The following CABLES1 variants were observed in gnomAD, a reference collection of about 807,000 sequenced individuals.
CABLES1 encodes the protein CDK5 and ABL1 enzyme substrate 1.
A neutral mutation model predicts 57.8 loss-of-function variants in CABLES1; 36 were observed. The ratio of observed to expected loss-of-function variants is 0.62; its 90% CI spans 0.48 to 0.82. The LOEUF is 0.82. CABLES1 is among the 40% of genes least tolerant of loss of function. CABLES1 has a pLI of 0.00. For synonymous variants in CABLES1, 374 were observed against 363.0 expected, an observed-to-expected ratio of 1.03 and a Z score of -0.35; for missense variants, 767 against 836.6, an observed-to-expected ratio of 0.92 and a Z score of 1.03.
chr18:23,151,039 G>A (rs1187213940), intron 1 of CABLES1, among the ~76,000 whole-genome samples: 1 of 143,236 alleles, frequency 7.0e-6, no homozygotes, highest in South Asian at 2.2e-4. Flanking sequence ...TTTTTTGAGA[G>A]GCAGAGTCTC....
intron 3 of CABLES1, among the ~76,000 whole-genome samples, chr18:23,196,545 T>C (rs1251751762): frequency 1.3e-5 from 2 of 152,168 alleles, no homozygotes; most frequent in African/African-American, 4.8e-5. Flanking sequence ...TGAGAGGACA[T>C]GACCCAGCCT....
chr18:23,212,316 T>C (rs1031265570), intron 3 of CABLES1, among the ~76,000 whole-genome samples: 24 of 152,240 alleles, frequency 1.6e-4, no homozygotes, highest in African/African-American at 5.5e-4. Flanking sequence ...CATGTACTCT[T>C]ACAGCATTCC....
At chr18:23,229,151 G>T (rs567916299) in intron 4 of CABLES1, among the ~76,000 whole-genome samples, 1 of 152,144 alleles carries the variant, frequency 6.6e-6, no homozygotes, top group Non-Finnish European at 1.5e-5. Flanking sequence ...GGTGGCTCAC[G>T]GCTGCAACCC....
intron 1 of CABLES1, among the ~76,000 whole-genome samples, chr18:23,172,380 T>C (rs1035194006): frequency 1.3e-5 from 2 of 152,176 alleles, no homozygotes; most frequent in African/African-American, 2.4e-5. Context: ...AGAGGGGAAA[T>C]GGACACTTAC....
At chr18:23,219,743 C>T (rs2047472442) in intron 4 of CABLES1, among the ~76,000 whole-genome samples, 3 of 152,294 alleles carry the variant, frequency 2.0e-5, no homozygotes, top group Admixed American at 6.5e-5. Context: ...CCTGTGAGTG[C>T]AAAAGGTTGT....
intron 9 of CABLES1, 198 bp from the exon 10 acceptor site, chr18:23,257,029 G>C: frequency 3.4e-6 from 2 of 593,946 alleles, no homozygotes; most frequent in Non-Finnish European, 5.8e-6. Flanking sequence ...AGCCCCTCGG[G>C]AAAGGAGCAG....
rs1451435031 is a variant in CABLES1 at position 23,258,865 on chromosome 18, A to G, written c.*1498A>G. 1 of 152,190 alleles carries G rather than the reference A, an allele frequency of 6.6e-6. No individual in the cohort carries two copies. The highest frequency in any genetic ancestry group is 1.5e-5 in the Non-Finnish European group (1 of 68,050). The allele number at this position is 152,190 out of a possible 1,614,324, so 9.4% of individuals were successfully genotyped here. On this transcript the variant is annotated 3_prime_UTR_variant, in exon 10 of 10. Transcript: ENST00000256925. ...CAGTCTTGGAGGATGGAGAAATTCAAGCAGCAGCTGGTGAGGGCCAAAACA... is the reference window on the plus strand; with the variant it reads ...CAGTCTTGGAGGATGGAGAAATTCAGGCAGCAGCTGGTGAGGGCCAAAACA...
intron 7 of CABLES1, among the ~76,000 whole-genome samples, chr18:23,250,737 T>C (rs1390307633): frequency 6.6e-6 from 1 of 152,174 alleles, no homozygotes; most frequent in Non-Finnish European, 1.5e-5. Context: ...TCAGGAGACC[T>C]TCCTGATTGG....
chr18:23,195,469 T>C (rs777637478), intron 3 of CABLES1, among the ~76,000 whole-genome samples: 5 of 152,236 alleles, frequency 3.3e-5, no homozygotes, highest in Non-Finnish European at 7.3e-5. Context: ...TTAGACTCAT[T>C]AAGGCCCAGC....
At position 23,136,099 on chromosome 18, in the gene CABLES1, G is replaced by T; in HGVS notation, c.337G>T (p.Ala113Ser). The change falls in exon 1 of 10, where the codon GCT becomes TCT. Residue 113 changes from alanine to serine, a missense_variant. Transcript: ENST00000256925. ...GAGGACTCGGTTCAGCTTGCTCGCC[G>T]CTGCCGAGCGGGGCGGCTGCATCGC... ...GARTRFSLLA[A>S]AERGGCIALA... The T allele has an allele frequency of 1.7e-6, 2 of 1,180,602 alleles. No individual in the cohort carries two copies. Among genetic ancestry groups the T allele is most frequent in the Non-Finnish European group, 2.1e-6 (2 of 956,092 alleles). 73.1% of individuals were successfully genotyped at this position (1,180,602 alleles called of 1,614,324 possible).
intron 3 of CABLES1, among the ~76,000 whole-genome samples, chr18:23,206,971 C>T (rs934301804): frequency 1.3e-5 from 2 of 152,004 alleles, no homozygotes; most frequent in Non-Finnish European, 2.9e-5. Flanking sequence ...CTACCACACC[C>T]AGCTGATTTT....
At position 23,188,841 on chromosome 18, in the gene CABLES1, G is replaced by A. The variant is rs1301314071; in HGVS notation, c.849G>A (p.Arg283=). Residue 283 remains arginine, a synonymous_variant, in exon 2 of 10, where the codon CGG becomes CGA. Coordinates refer to ENST00000256925, the MANE Select transcript of CABLES1 (RefSeq NM_001100619.3). The part of the protein sequence containing the change: ...SAFEQLQRSR[R]RLISQRSSLE... ...GATTTTTTCCTTCTTTCTGCAGACG[G>A]CGCCTCATCTCCCAGAGATCTTCCT... The A allele has an allele frequency of 1.2e-6, 2 of 1,613,460 alleles. No individual in the cohort carries two copies. Among genetic ancestry groups the A allele is most frequent in the Non-Finnish European group, 8.5e-7 (1 of 1,179,518 alleles).
intron 3 of CABLES1, among the ~76,000 whole-genome samples, chr18:23,208,371 T>G (rs984309954): frequency 5.9e-5 from 9 of 152,064 alleles, no homozygotes; most frequent in African/African-American, 7.2e-5. Context: ...GAACATTTTG[T>G]TGGTGGTGGT....
At chr18:23,140,878 C>T (rs1008813739) in intron 1 of CABLES1, among the ~76,000 whole-genome samples, 5 of 152,298 alleles carry the variant, frequency 3.3e-5, no homozygotes, top group East Asian at 1.9e-4. Context: ...CGTTTGACCC[C>T]GGTGGGTTAA....
At position 23,242,036 on chromosome 18, in the gene CABLES1, A is replaced by G. The variant is rs181553315; in HGVS notation, c.1446+4791A>G. 3.3e-5 allele frequency among the ~76,000 whole-genome samples: 5 copies of G among 152,170 alleles called. No individual in the cohort carries two copies. In the East Asian group the frequency reaches 9.7e-4, roughly 29 times the overall value. ...CACGCCTGTAATCCCTGCACTTTGG[A>G]AGGCCGAGGCGGGTGGATCACCTGA... On this transcript the variant is annotated intron_variant, in intron 7 of 9. Transcript: ENST00000256925.
chr18:23,237,391 C>T, intron 7 of CABLES1, 146 bp downstream of exon 7: 3 of 664,046 alleles, frequency 4.5e-6, no homozygotes, highest in Non-Finnish European at 8.2e-6. Context: ...ACGGAAGGAC[C>T]AGTATTGCCT....
At chr18:23,178,438 C>T (rs2145000828) in intron 1 of CABLES1, among the ~76,000 whole-genome samples, 1 of 152,310 alleles carries the variant, frequency 6.6e-6, no homozygotes, top group Non-Finnish European at 1.5e-5. Context: ...CGCCTGATGT[C>T]CTGATACCCT....
intron 1 of CABLES1, among the ~76,000 whole-genome samples, chr18:23,149,342 T>G (rs1026530815): frequency 1.3e-5 from 2 of 152,174 alleles, no homozygotes; most frequent in African/African-American, 4.8e-5. Flanking sequence ...AGTGCAGTAC[T>G]ACAATCTTGG....
chr18:23,135,746 C>T lies in CABLES1; in HGVS notation c.-17C>T, dbSNP rs1461187675. ...GCTTCTCCGGGCATCGCGGAAATCC[C>T]GCCGCAGACGGACACAATGGCGGCG... On this transcript the variant is annotated 5_prime_UTR_variant, in exon 1 of 10. Coordinates refer to ENST00000256925, the MANE Select transcript of CABLES1 (RefSeq NM_001100619.3). 100 of 987,962 alleles carry T rather than the reference C, an allele frequency of 1.0e-4. No individual in the cohort carries two copies. The highest frequency in any genetic ancestry group is 1.2e-4 in the Non-Finnish European group (96 of 833,324). 61.2% of individuals were successfully genotyped at this position (987,962 alleles called of 1,614,324 possible). A position where few individuals can be genotyped will look rare whatever the true frequency, so the allele number is the denominator to read the frequency against.
Sources: gnomAD v4.1 joint callset for allele counts (sites outside exome capture counted in the v4.1 genomes callset) on GRCh38, gnomAD v4.1.1 for gene constraint, MANE v1.5 for transcripts, NCBI Gene and HGNC (gene_info 2026-07-23, HGNC 2026-07-21) for gene names.